DCC: variants seen among roughly 807,000 people sequenced by gnomAD.
DCC encodes the protein netrin receptor DCC.
DCC carries 58 observed loss-of-function variants against 172.5 expected under a neutral mutation model. The ratio of observed to expected loss-of-function variants is 0.34; its 90% CI spans 0.27 to 0.42. DCC has a LOEUF of 0.42. DCC is among the 10% of genes least tolerant of loss of function. DCC has a pLI of 1.00. For synonymous variants in DCC, 709 were observed against 644.5 expected, an observed-to-expected ratio of 1.10 and a Z score of -1.52; for missense variants, 1,740 against 1,791.0, an observed-to-expected ratio of 0.97 and a Z score of 0.51.
At chr18:52,482,861 T>C (rs1446081448) in intron 1 of DCC, among the ~76,000 whole-genome samples, 3 of 152,168 alleles carry the variant, frequency 2.0e-5, no homozygotes, top group Non-Finnish European at 4.4e-5. Flanking sequence ...GTTGGATGTC[T>C]CATTTTCCAT....
intron 22 of DCC, among the ~76,000 whole-genome samples, chr18:53,439,501 T>C (rs1432803493): frequency 6.6e-6 from 1 of 152,190 alleles, no homozygotes. Flanking sequence ...CTTCAAAGCA[T>C]TGTAATAGAA....
At chr18:52,477,490 A>T (rs933585831) in intron 1 of DCC, among the ~76,000 whole-genome samples, 1 of 152,204 alleles carries the variant, frequency 6.6e-6, no homozygotes, top group African/African-American at 2.4e-5. Flanking sequence ...CTGACAAAAC[A>T]GGTTCAGAGA....
chr18:52,646,726 A>T (rs368158273), intron 1 of DCC, among the ~76,000 whole-genome samples: 3 of 152,320 alleles, frequency 2.0e-5, no homozygotes, highest in African/African-American at 7.2e-5. Context: ...AAGCACAGGA[A>T]CTTCTGTTTC....
chr18:52,690,682 G>C (rs554224947), intron 1 of DCC, among the ~76,000 whole-genome samples: 1 of 152,218 alleles, frequency 6.6e-6, no homozygotes, highest in South Asian at 2.1e-4. Flanking sequence ...GAGAGACCAA[G>C]TGGCGTGTCC....
chr18:52,620,809 T>C (rs900405394), intron 1 of DCC, among the ~76,000 whole-genome samples: 1 of 152,144 alleles, frequency 6.6e-6, no homozygotes, highest in African/African-American at 2.4e-5. Context: ...TCCAGTACTA[T>C]CATAAGGAGC....
chr18:52,977,221 G>A (rs1420092442), intron 5 of DCC, among the ~76,000 whole-genome samples: 2 of 152,102 alleles, frequency 1.3e-5, no homozygotes, highest in African/African-American at 4.8e-5. Flanking sequence ...ATGAAATGAA[G>A]TGTCTTATAA....
intron 1 of DCC, among the ~76,000 whole-genome samples, chr18:52,448,418 G>C (rs1211736743): frequency 6.6e-6 from 1 of 152,068 alleles, no homozygotes; most frequent in Non-Finnish European, 1.5e-5. Context: ...TGTTATTAGA[G>C]TAGAATGTTA....
chr18:53,090,702 A>AAAAAAAAAAAAAAAAT (rs2042992050), intron 7 of DCC, among the ~76,000 whole-genome samples: 1 of 54,148 alleles, frequency 1.8e-5, no homozygotes, highest in Non-Finnish European at 3.3e-5. Flanking sequence ...CCCCAACAAA[A>AAAAAAAAAAAAAAAAT]AAAAAAAAAA....
chr18:52,627,192 G>C (rs1446948733), intron 1 of DCC, among the ~76,000 whole-genome samples: 2 of 152,116 alleles, frequency 1.3e-5, no homozygotes, highest in Non-Finnish European at 2.9e-5. Context: ...ATCCTTCATA[G>C]CACTTTTCCT....
intron 1 of DCC, among the ~76,000 whole-genome samples, chr18:52,610,192 T>A (rs1416552145): frequency 2.5e-4 from 4 of 16,120 alleles, no homozygotes; most frequent in Non-Finnish European, 3.4e-4. Flanking sequence ...TATATATATA[T>A]ATATATATAT....
At chr18:53,223,234 TTG>T (rs1377597689) in intron 12 of DCC, among the ~76,000 whole-genome samples, 3 of 152,136 alleles carry the variant, frequency 2.0e-5, no homozygotes, top group Non-Finnish European at 2.9e-5. Context: ...CATTTTTCTG[TTG>T]TGTTTTGAGA....
At chr18:53,200,697 G>A (rs140213582) in intron 9 of DCC, among the ~76,000 whole-genome samples, 232 of 152,240 alleles carry the variant, frequency 1.5e-3, no homozygotes, top group African/African-American at 5.4e-3. Context: ...ACGGAAGTGT[G>A]TGTGTGGTTG....
At chr18:52,728,416 C>T (rs1000487918) in intron 1 of DCC, among the ~76,000 whole-genome samples, 28 of 152,156 alleles carry the variant, frequency 1.8e-4, no homozygotes, top group Non-Finnish European at 4.4e-5. Context: ...TGCTTATGTG[C>T]TCCATCTCTT....
chr18:53,192,021 T>G (rs191911050), intron 9 of DCC, among the ~76,000 whole-genome samples: 5 of 152,308 alleles, frequency 3.3e-5, no homozygotes, highest in African/African-American at 1.2e-4. Flanking sequence ...AAACCTTCCA[T>G]GTGGTTAATA....
At chr18:53,134,157 T>C (rs764509159) in intron 7 of DCC, among the ~76,000 whole-genome samples, 8 of 152,278 alleles carry the variant, frequency 5.3e-5, no homozygotes, top group Middle Eastern at 3.4e-3. Flanking sequence ...CAGCAAATGA[T>C]ATGTTGCTGT....
At chr18:53,141,213 G>T (rs1322212849) in intron 7 of DCC, among the ~76,000 whole-genome samples, 1 of 152,092 alleles carries the variant, frequency 6.6e-6, no homozygotes, top group Non-Finnish European at 1.5e-5. Flanking sequence ...AGCGACCTCT[G>T]TTTCCTGTTT....
intron 5 of DCC, among the ~76,000 whole-genome samples, chr18:52,998,816 TTGTGTGTG>T (rs79283122): frequency 6.6e-6 from 1 of 151,234 alleles, no homozygotes; most frequent in Non-Finnish European, 1.5e-5. Flanking sequence ...GTTTTTAGGT[TTGTGTGTG>T]TGTGTGTGTT....
intron 15 of DCC, among the ~76,000 whole-genome samples, chr18:53,380,493 C>G (rs1482191721): frequency 6.6e-6 from 1 of 152,112 alleles, no homozygotes; most frequent in Admixed American, 6.6e-5. Context: ...TTGGATCAAA[C>G]TTTATCAGGA....
chr18:52,822,532 T>C (rs995337052), intron 2 of DCC, among the ~76,000 whole-genome samples: 11 of 152,298 alleles, frequency 7.2e-5, no homozygotes, highest in Non-Finnish European at 1.6e-4. Flanking sequence ...ACATGAAAAT[T>C]ATAAGCCCCT....
Sources: allele counts gnomAD v4.1 joint callset (sites outside exome capture counted in the v4.1 genomes callset), GRCh38; gene constraint gnomAD v4.1.1; transcripts MANE v1.5; gene names NCBI Gene and HGNC (gene_info 2026-07-23, HGNC 2026-07-21).